Variants in RNF180 observed in about 807,000 individuals in gnomAD.
RNF180 encodes ring finger protein 180.
RNF180 carries 38 observed loss-of-function variants against 59.2 expected under a neutral mutation model. That is an observed-to-expected ratio of 0.64 (90% CI 0.50 to 0.84). RNF180 has a LOEUF of 0.84. Ranked by LOEUF, RNF180 falls within the 40% of genes least tolerant of loss-of-function variation. The probability of loss-of-function intolerance (pLI) is 0.00; values close to 1 mark genes in which losing one functional copy is unlikely to be tolerated. For missense variants in RNF180, 705 were observed against 700.9 expected (o/e 1.01, Z -0.07); for synonymous variants, 262 against 240.3 (o/e 1.09, Z -0.84).
intron 5 of RNF180, among the ~76,000 whole-genome samples, chr5:64,246,824 C>A (rs1743201778): frequency 6.6e-6 from 1 of 152,182 alleles, no homozygotes; most frequent in Non-Finnish European, 1.5e-5. Context: ...AAAGTTCAGG[C>A]CAATATCCTG....
intron 7 of RNF180, among the ~76,000 whole-genome samples, chr5:64,335,699 TC>T (rs1380597331): frequency 6.6e-6 from 1 of 152,094 alleles, no homozygotes; most frequent in African/African-American, 2.4e-5. Context: ...AGTTTTGATA[TC>T]CCCCCTTCCA....
intron 5 of RNF180, 116 bp downstream of exon 5, chr5:64,217,512 A>G (rs1752696868): frequency 3.9e-6 from 5 of 1,284,984 alleles, no homozygotes; most frequent in Admixed American, 3.7e-5. Context: ...GAAAGCAAGC[A>G]CTGGTATTCT....
intron 5 of RNF180, among the ~76,000 whole-genome samples, chr5:64,276,793 A>G (rs1438205938): frequency 6.6e-6 from 1 of 152,094 alleles, no homozygotes; most frequent in Non-Finnish European, 1.5e-5. Flanking sequence ...ATTCTTTATA[A>G]AACCAGCGTA....
At chr5:64,255,323 A>C (rs2112292756) in intron 5 of RNF180, among the ~76,000 whole-genome samples, 1 of 152,250 alleles carries the variant, frequency 6.6e-6, no homozygotes, top group Non-Finnish European at 1.5e-5. Context: ...CATTTACATT[A>C]GGTATATCTC....
chr5:64,250,265 A>T (rs548669210), intron 5 of RNF180, among the ~76,000 whole-genome samples: 1 of 152,274 alleles, frequency 6.6e-6, no homozygotes, highest in Admixed American at 6.5e-5. Flanking sequence ...TTGTTGTGGG[A>T]TACAGCAAAA....
chr5:64,321,184 G>T (rs1188182118), intron 5 of RNF180, among the ~76,000 whole-genome samples: 2 of 150,788 alleles, frequency 1.3e-5, no homozygotes, highest in Non-Finnish European at 3.0e-5. Context: ...CAGGCAAGAG[G>T]AAAAAAAAAG....
At chr5:64,251,577 C>T (rs1019422397) in intron 5 of RNF180, among the ~76,000 whole-genome samples, 1 of 152,098 alleles carries the variant, frequency 6.6e-6, no homozygotes, top group African/African-American at 2.4e-5. Flanking sequence ...CATGTACCAC[C>T]ACACCTGGCT....
At chr5:64,299,836 A>G (rs1561247355) in intron 5 of RNF180, among the ~76,000 whole-genome samples, 1 of 151,954 alleles carries the variant, frequency 6.6e-6, no homozygotes, top group Non-Finnish European at 1.5e-5. Context: ...AAAACTATTA[A>G]ATAGGAAATT....
At chr5:64,346,530 C>A (rs1001993119) in intron 7 of RNF180, among the ~76,000 whole-genome samples, 17 of 151,740 alleles carry the variant, frequency 1.1e-4, no homozygotes, top group Non-Finnish European at 2.5e-4. Flanking sequence ...CCACCATGCC[C>A]AGCTAATCTT....
chr5:64,310,838 C>T (rs1743730134), intron 5 of RNF180, among the ~76,000 whole-genome samples: 2 of 151,788 alleles, frequency 1.3e-5, no homozygotes, highest in South Asian at 2.1e-4. Context: ...CTGGAAGTGG[C>T]GCATCTCACT....
chr5:64,235,839 A>C (rs1742407681), intron 5 of RNF180, among the ~76,000 whole-genome samples: 1 of 152,154 alleles, frequency 6.6e-6, no homozygotes, highest in Admixed American at 6.5e-5. Context: ...CATGTAAGAC[A>C]TGCCTTACTT....
At chr5:64,337,095 G>A (rs1469162361) in intron 7 of RNF180, among the ~76,000 whole-genome samples, 1 of 151,390 alleles carries the variant, frequency 6.6e-6, no homozygotes, top group Non-Finnish European at 1.5e-5. Flanking sequence ...ATGATCGGCA[G>A]CCTCAACCTT....
In RNF180 at chr5:64,184,528, C is replaced by T. The variant is rs559821657; in HGVS notation, c.1-16280C>T. On this transcript the variant is annotated intron_variant, in intron 1 of 7. Transcript: ENST00000389100. Reference sequence around the variant, plus strand: ...TTTTGCTCACCAACTATTTGGTTACCGTGAAATAGTCTGTATTGCAAAGGT... The same window carrying T: ...TTTTGCTCACCAACTATTTGGTTACTGTGAAATAGTCTGTATTGCAAAGGT... Among the ~76,000 whole-genome samples the T allele has an allele frequency of 9.2e-5, 14 of 152,138 alleles. 1 individual carries two copies. The highest frequency in any genetic ancestry group is 2.9e-4 in the African/African-American group (12 of 41,512).
chr5:64,301,701 ATGTG>A (rs3069547), intron 5 of RNF180, among the ~76,000 whole-genome samples: 15,188 of 148,670 alleles, frequency 0.1, 847 homozygotes, highest in South Asian at 0.17. Flanking sequence ...CCACATCAGA[ATGTG>A]TGTGTGTGTG....
intron 5 of RNF180, among the ~76,000 whole-genome samples, chr5:64,250,302 A>G (rs2112273004): frequency 6.6e-6 from 1 of 152,268 alleles, no homozygotes; most frequent in East Asian, 1.9e-4. Flanking sequence ...AGTTTGTAGC[A>G]ACAAATGTCT....
intron 5 of RNF180, among the ~76,000 whole-genome samples, chr5:64,315,530 A>T (rs1272210018): frequency 6.6e-6 from 1 of 152,082 alleles, no homozygotes; most frequent in Non-Finnish European, 1.5e-5. Context: ...GGATCACCTG[A>T]GGTCAGGAGT....
At chr5:64,368,013 T>G (rs1561283839) in intron 7 of RNF180, among the ~76,000 whole-genome samples, 1 of 151,722 alleles carries the variant, frequency 6.6e-6, no homozygotes, top group South Asian at 2.1e-4. Context: ...TTTCTCAAGC[T>G]CTAATTAGCA....
chr5:64,207,954 T>C (rs558039618), intron 2 of RNF180, among the ~76,000 whole-genome samples: 26 of 152,124 alleles, frequency 1.7e-4, no homozygotes, highest in Non-Finnish European at 3.5e-4. Flanking sequence ...TTGCTTACTT[T>C]GGAAATGCAA....
chr5:64,173,609 C>G (rs1261391304), intron 1 of RNF180, among the ~76,000 whole-genome samples: 1 of 152,020 alleles, frequency 6.6e-6, no homozygotes, highest in East Asian at 1.9e-4. Flanking sequence ...ATTGACCAAT[C>G]TCTCTCCCTC....
Sources: allele counts gnomAD v4.1 joint callset (sites outside exome capture counted in the v4.1 genomes callset), GRCh38; gene constraint gnomAD v4.1.1; transcripts MANE v1.5; gene names NCBI Gene and HGNC (gene_info 2026-07-23, HGNC 2026-07-21).